Variants in ZNF81 observed in about 807,000 individuals in gnomAD.
ZNF81 encodes the protein zinc finger protein 81, also known as zinc finger protein 81 (HFZ20).
ZNF81 carries 5 observed loss-of-function variants against 32.3 expected under a neutral mutation model. The ratio of observed to expected loss-of-function variants is 0.15; its 90% CI spans 0.08 to 0.33. The LOEUF (loss-of-function observed/expected upper bound fraction) is 0.33. ZNF81 is among the 10% of genes least tolerant of loss of function. The probability of loss-of-function intolerance (pLI) is 1.00; values close to 1 mark genes in which losing one functional copy is unlikely to be tolerated. For synonymous variants in ZNF81, 163 were observed against 166.8 expected (o/e 0.98, Z 0.17); for missense variants, 379 against 479.8 (o/e 0.79, Z 1.96).
intron 2 of ZNF81, among the ~76,000 whole-genome samples, chrX:47,855,600 C>G (rs2058513567): frequency 9.0e-6 from 1 of 111,045 alleles, no homozygotes; most frequent in South Asian, 3.7e-4. Context: ...CAGGAATTTA[C>G]TGTTTTCTTG....
chrX:47,863,947 C>T (rs1271228105), intron 2 of ZNF81, among the ~76,000 whole-genome samples: 2 of 111,783 alleles, frequency 1.8e-5, no homozygotes, highest in Admixed American at 9.5e-5. Context: ...TTACCAAACA[C>T]TCTAGTCAGG....
At chrX:47,843,532 A>AT (rs1218170087) in intron 1 of ZNF81, among the ~76,000 whole-genome samples, 2 of 102,985 alleles carry the variant, frequency 1.9e-5, no homozygotes, top group Non-Finnish European at 2.0e-5. Context: ...CCATTTGTTT[A>AT]TTTTTTTTGA....
At chrX:47,886,234 TTCTC>T (rs2058641235) in intron 2 of ZNF81, among the ~76,000 whole-genome samples, 1 of 112,434 alleles carries the variant, frequency 8.9e-6, no homozygotes, top group African/African-American at 3.2e-5. Context: ...TTCTGTCTCT[TTCTC>T]TGTTGAGTTG....
chrX:47,841,416 T>G (rs2148001856), intron 1 of ZNF81: 1 of 856,868 alleles, frequency 1.2e-6, no homozygotes, highest in East Asian at 3.1e-5. Context: ...ACGCCATCAA[T>G]CCTTTCGATG....
At chrX:47,845,737 G>A (rs368196725) in intron 1 of ZNF81, among the ~76,000 whole-genome samples, 74 of 111,751 alleles carry the variant, frequency 6.6e-4, no homozygotes, top group African/African-American at 2.2e-3. Flanking sequence ...ACAATACTTG[G>A]TAACATGTAT....
rs1217670162 is a variant in ZNF81 at position 47,846,035 on chromosome X, TGGTTCCCCCA to T, written c.-163-67_-163-58del. 1.0e-5 allele frequency: 5 copies of T among 482,023 alleles called. No homozygotes were observed. In the African/African-American group the frequency reaches 1.2e-4, roughly 11 times the overall value. The allele number at this position is 482,023 out of a possible 1,213,427, so 39.7% of individuals were successfully genotyped here. ...GTATCCAGTGCAGTGAACTGTACTT[TGGTTCCCCCA>T]GGAGATGTCTGTGTAGTAAGTGCTA... is the stretch of plus-strand genomic sequence containing the variant. On this transcript the variant is annotated intron_variant, in intron 1 of 4. Transcript: ENST00000338637.
chrX:47,877,313 G>A (rs1220122570), intron 2 of ZNF81, among the ~76,000 whole-genome samples: 2 of 111,624 alleles, frequency 1.8e-5, no homozygotes, highest in African/African-American at 3.3e-5. Flanking sequence ...TCAGAGGGGC[G>A]TGTATGGTGG....
intron 3 of ZNF81, among the ~76,000 whole-genome samples, chrX:47,891,210 G>A (rs782794524): frequency 8.9e-6 from 1 of 112,761 alleles, no homozygotes; most frequent in African/African-American, 3.2e-5. Context: ...AAAAACATTT[G>A]CCAGATCAAT....
rs148722503 is a variant in ZNF81, at chrX:47,872,637, G to A, written c.55-15362G>A. ...TAGTTGCAGGCTTAGGAACTAATGG[G>A]GTTAATGGAGCAACAAATGTATTTA... On this transcript the variant is annotated intron_variant, in intron 2 of 4. Transcript: ENST00000338637. 6.1e-3 allele frequency among the ~76,000 whole-genome samples: 676 copies of A among 111,717 alleles called. 5 individuals carry two copies. The highest frequency in any genetic ancestry group is 0.021 in the African/African-American group (656 of 30,734).
intron 4 of ZNF81, among the ~76,000 whole-genome samples, chrX:47,912,530 T>TA (rs1404491323): frequency 9.4e-6 from 1 of 106,500 alleles, no homozygotes; most frequent in Non-Finnish European, 1.9e-5. Flanking sequence ...TGAATTATAC[T>TA]AATGCTAATT....
chrX:47,895,813 G>A, intron 3 of ZNF81, 32 bp from the exon 4 acceptor site: 6 of 1,093,930 alleles, frequency 5.5e-6, no homozygotes, highest in Non-Finnish European at 6.3e-6. Context: ...GCAATTTGCT[G>A]GACCCAATTC....
rs190805606 is a variant in ZNF81, at chrX:47,881,880, G to A, written c.55-6119G>A. 2.0e-3 allele frequency among the ~76,000 whole-genome samples: 226 copies of A among 111,785 alleles called. 2 individuals are homozygous for A. Among genetic ancestry groups the A allele is most frequent in the African/African-American group, 7.1e-3 (220 of 30,836 alleles). On this transcript the variant is annotated intron_variant, in intron 2 of 4. Coordinates refer to ENST00000338637, the MANE Select transcript of ZNF81 (RefSeq NM_007137.5). ...TAACCTCAAACTCCTGGGCTCAAAC[G>A]ATCCTCCCTCCTCAGCCTTCCAGGC... is the stretch of plus-strand genomic sequence containing the variant.
Position 47,920,801 on chromosome X carries a change from C to A in ZNF81, c.*4169C>A, listed in dbSNP as rs1210193401. The A allele has an allele frequency of 9.0e-6, 1 of 110,728 alleles. No homozygotes were observed. The highest frequency in any genetic ancestry group is 2.9e-4 in the East Asian group (1 of 3,488). The allele number at this position is 110,728 out of a possible 1,213,427, so 9.1% of individuals were successfully genotyped here. A position where few individuals can be genotyped will look rare whatever the true frequency, so the allele number is the denominator to read the frequency against. The stretch of plus-strand genomic sequence containing the variant: ...GAGCCTGCAAGCAGAGACCAACTAC[C>A]CTTAGGTCTACAGCTCTCATGAGTC... On this transcript the variant is annotated 3_prime_UTR_variant, in exon 5 of 5. Transcript: ENST00000338637.
intron 2 of ZNF81, among the ~76,000 whole-genome samples, chrX:47,881,505 A>T (rs1325303127): frequency 2.7e-5 from 3 of 112,163 alleles, no homozygotes; most frequent in Non-Finnish European, 3.8e-5. Flanking sequence ...TATTCAAACC[A>T]TAGGACTGAC....
At chrX:47,871,197 C>G (rs1394445170) in intron 2 of ZNF81, among the ~76,000 whole-genome samples, 5 of 111,774 alleles carry the variant, frequency 4.5e-5, no homozygotes, top group Admixed American at 1.9e-4. Flanking sequence ...TGTGAAGCCT[C>G]TCATAACTCG....
intron 4 of ZNF81, among the ~76,000 whole-genome samples, chrX:47,907,057 A>G (rs2058723293): frequency 9.5e-6 from 1 of 105,524 alleles, no homozygotes; most frequent in South Asian, 4.3e-4. Flanking sequence ...CAGTGAGGTC[A>G]TAGCAGTGTA....
chrX:47,848,972 A>G (rs1556880844), intron 2 of ZNF81, among the ~76,000 whole-genome samples: 1 of 112,097 alleles, frequency 8.9e-6, no homozygotes, highest in Non-Finnish European at 1.9e-5. Flanking sequence ...TATGCAGATA[A>G]CAGCAGCTGA....
At chrX:47,909,107 A>T (rs1333565723) in intron 4 of ZNF81, among the ~76,000 whole-genome samples, 1 of 112,170 alleles carries the variant, frequency 8.9e-6, no homozygotes, top group Non-Finnish European at 1.9e-5. Flanking sequence ...TATATAAATT[A>T]TACCTCAATA....
chrX:47,856,032 T>C (rs1351708364), intron 2 of ZNF81, among the ~76,000 whole-genome samples: 1 of 79,195 alleles, frequency 1.3e-5, no homozygotes, highest in Non-Finnish European at 2.3e-5. Flanking sequence ...CTGGGTGACA[T>C]AGTGAGACTC....
Sources: allele counts gnomAD v4.1 joint callset (sites outside exome capture counted in the v4.1 genomes callset), GRCh38; gene constraint gnomAD v4.1.1; transcripts MANE v1.5; gene names NCBI Gene and HGNC (gene_info 2026-07-23, HGNC 2026-07-21).